Variants in GABRB3 observed in about 807,000 individuals in gnomAD.
GABRB3 encodes the protein gamma-aminobutyric acid type A receptor subunit beta3.
Under a neutral mutation model 52.1 loss-of-function variants are expected in GABRB3, and 14 were observed. The ratio of observed to expected loss-of-function variants is 0.27; its 90% CI spans 0.18 to 0.42. The LOEUF (loss-of-function observed/expected upper bound fraction) is 0.42, where lower values mean the gene tolerates loss of function less well. Ranked by LOEUF, GABRB3 falls within the 10% of genes least tolerant of loss-of-function variation. GABRB3 has a pLI of 1.00. For synonymous variants in GABRB3, 260 were observed against 232.3 expected, an observed-to-expected ratio of 1.12 and a Z score of -1.08; for missense variants, 307 against 609.1, an observed-to-expected ratio of 0.50 and a Z score of 5.22.
At chr15:26,759,505 C>T (rs978832954) in intron 3 of GABRB3, among the ~76,000 whole-genome samples, 1 of 152,126 alleles carries the variant, frequency 6.6e-6, no homozygotes, top group African/African-American at 2.4e-5. Flanking sequence ...GTGATCCACC[C>T]GCCTCGGCCT....
intron 3 of GABRB3, among the ~76,000 whole-genome samples, chr15:26,653,566 T>C (rs1220379720): frequency 1.3e-5 from 2 of 152,210 alleles, no homozygotes; most frequent in Non-Finnish European, 2.9e-5. Context: ...TCAGGGAGAC[T>C]GATTTGAGTA....
At chr15:26,576,250 G>A (rs1313457234) in intron 6 of GABRB3, among the ~76,000 whole-genome samples, 1 of 152,190 alleles carries the variant, frequency 6.6e-6, no homozygotes. Flanking sequence ...ACAGCCAACG[G>A]CTCAAATATC....
intron 4 of GABRB3, among the ~76,000 whole-genome samples, chr15:26,618,198 A>C (rs998683011): frequency 1.1e-4 from 16 of 152,016 alleles, no homozygotes; most frequent in African/African-American, 2.2e-4. Flanking sequence ...AAAAGAGCCC[A>C]CATCGCCAAG....
chr15:26,718,898 C>T (rs1404491093), intron 3 of GABRB3, among the ~76,000 whole-genome samples: 2 of 152,210 alleles, frequency 1.3e-5, no homozygotes, highest in African/African-American at 4.8e-5. Context: ...CTTCAGCCTG[C>T]CTCTCCCCAC....
intron 3 of GABRB3, among the ~76,000 whole-genome samples, chr15:26,732,424 T>C (rs1442269529): frequency 6.6e-6 from 1 of 152,136 alleles, no homozygotes; most frequent in African/African-American, 2.4e-5. Context: ...AGTATGATTA[T>C]CCATTAACAC....
chr15:26,655,582 A>C lies in GABRB3; in HGVS notation c.241-34048T>G, dbSNP rs886319852. Among the ~76,000 whole-genome samples the C allele has an allele frequency of 3.3e-5, 5 of 152,208 alleles. 1 individual carries two copies. The highest frequency in any genetic ancestry group is 9.6e-5 in the African/African-American group (4 of 41,522). On this transcript the variant is annotated intron_variant, in intron 3 of 8. Coordinates refer to ENST00000311550, the MANE Select transcript of GABRB3 (RefSeq NM_000814.6). ...ACGGTGAAACCCTGTCTCTACTAAA[A>C]ATACAAAAAATTAGCCAGGCGTGGT... is the stretch of plus-strand genomic sequence containing the variant.
At chr15:26,597,714 C>T (rs925846940) in intron 4 of GABRB3, among the ~76,000 whole-genome samples, 2 of 152,236 alleles carry the variant, frequency 1.3e-5, no homozygotes, top group African/African-American at 4.8e-5. Flanking sequence ...TACCTAACTT[C>T]AGTCAAGGAA....
intron 3 of GABRB3, among the ~76,000 whole-genome samples, chr15:26,636,742 A>G (rs1893071771): frequency 6.6e-6 from 1 of 152,238 alleles, no homozygotes; most frequent in Admixed American, 6.5e-5. Flanking sequence ...CAGTTCACAC[A>G]ACGGCATTCT....
intron 4 of GABRB3, among the ~76,000 whole-genome samples, chr15:26,619,365 G>A (rs1033263472): frequency 9.2e-5 from 14 of 151,888 alleles, no homozygotes; most frequent in Admixed American, 6.5e-4. Context: ...CATGTCCTTT[G>A]TAGGGACATG....
chr15:26,768,743 GA>G (rs1891064186), intron 3 of GABRB3, among the ~76,000 whole-genome samples: 1 of 151,416 alleles, frequency 6.6e-6, no homozygotes, highest in Admixed American at 6.6e-5. Flanking sequence ...GGGGCTAAGA[GA>G]AACAAGAGGG....
At chr15:26,631,431 G>A (rs1892910829) in intron 3 of GABRB3, among the ~76,000 whole-genome samples, 1 of 152,180 alleles carries the variant, frequency 6.6e-6, no homozygotes, top group South Asian at 2.1e-4. Flanking sequence ...CACAGGAAAT[G>A]AAGAAAAAAT....
intron 3 of GABRB3, among the ~76,000 whole-genome samples, chr15:26,698,448 T>C (rs1015722424): frequency 5.9e-5 from 9 of 152,278 alleles, no homozygotes; most frequent in African/African-American, 2.2e-4. Context: ...GAATCACAAT[T>C]ATATACACAT....
chr15:26,612,842 G>A (rs1892120562), intron 4 of GABRB3: 2 of 152,224 alleles, frequency 1.3e-5, no homozygotes, highest in Non-Finnish European at 2.9e-5. Context: ...GACATGGCAT[G>A]GTGGCTCATG....
intron 4 of GABRB3, among the ~76,000 whole-genome samples, chr15:26,606,685 G>A (rs1296993348): frequency 9.7e-6 from 1 of 102,794 alleles, no homozygotes; most frequent in African/African-American, 3.6e-5. Context: ...GAAAAGGCAT[G>A]CAAATCAGAA....
intron 3 of GABRB3, among the ~76,000 whole-genome samples, chr15:26,658,257 T>C (rs900243380): frequency 6.6e-6 from 1 of 151,992 alleles, no homozygotes; most frequent in African/African-American, 2.4e-5. Flanking sequence ...CACCAAACTA[T>C]CTCTAAAAAA....
At chr15:26,773,343 A>G (rs1044416611), upstream of GABRB3, among the ~76,000 whole-genome samples, 1 of 150,410 alleles carries the variant, frequency 6.6e-6, no homozygotes, top group African/African-American at 2.4e-5. Flanking sequence ...CCTGGGCCGG[A>G]CGCTGCGAGC....
chr15:26,578,737 C>G (rs1890682150), intron 6 of GABRB3, among the ~76,000 whole-genome samples: 1 of 152,232 alleles, frequency 6.6e-6, no homozygotes, highest in Non-Finnish European at 1.5e-5. Flanking sequence ...CAGGATTACT[C>G]CACAGTGAGT....
chr15:26,587,473 T>C (rs1357238727), intron 4 of GABRB3, among the ~76,000 whole-genome samples: 2 of 152,192 alleles, frequency 1.3e-5, no homozygotes, highest in Admixed American at 1.3e-4. Context: ...AAGTAGGCTG[T>C]GGAGCAGGAG....
chr15:26,741,483 A>T (rs868312170), intron 3 of GABRB3, among the ~76,000 whole-genome samples: 3 of 152,280 alleles, frequency 2.0e-5, no homozygotes, highest in Middle Eastern at 3.4e-3. Context: ...AAAGAACTAA[A>T]CACATCACCC....
Sources: gnomAD v4.1 joint callset for allele counts (sites outside exome capture counted in the v4.1 genomes callset) on GRCh38, gnomAD v4.1.1 for gene constraint, MANE v1.5 for transcripts, NCBI Gene and HGNC (gene_info 2026-07-23, HGNC 2026-07-21) for gene names.